The following ATRNL1 variants were observed in gnomAD, a reference collection of about 807,000 sequenced individuals.
ATRNL1 encodes attractin like 1.
In ATRNL1, 95 loss-of-function variants were observed where a neutral mutation model predicts 182.7. The observed-to-expected ratio is 0.52, with a 90% CI of 0.44 to 0.62. ATRNL1 has a LOEUF of 0.62. ATRNL1 is among the 20% of genes least tolerant of loss of function. ATRNL1 has a pLI of 0.00. For synonymous variants in ATRNL1, 576 were observed against 568.3 expected (o/e 1.01, Z -0.19); for missense variants, 1,471 against 1,679.5 (o/e 0.88, Z 2.17).
chr10:115,266,805 A>T lies in ATRNL1; in HGVS notation c.1781A>T (p.Tyr594Phe). Residue 594 changes from tyrosine to phenylalanine, a missense_variant, in exon 12 of 29, where the codon TAT becomes TTT. Coordinates refer to ENST00000355044, the MANE Select transcript of ATRNL1 (RefSeq NM_207303.4). ...HSAVVINGSMYIFGGFSSVLL... is the reference protein window; with the variant it reads ...HSAVVINGSMFIFGGFSSVLL... ...TGTTTTGTTTTTAATAGGTCCATGTATATATTTGGGGGATTTTCTAGTGTA... is the reference window on the plus strand; with the variant it reads ...TGTTTTGTTTTTAATAGGTCCATGTTTATATTTGGGGGATTTTCTAGTGTA... 6.2e-7 allele frequency: 1 copy of T among 1,600,470 alleles called. No individual in the cohort carries two copies. The highest frequency in any genetic ancestry group is 2.2e-5 in the East Asian group (1 of 44,658).
intron 28 of ATRNL1, among the ~76,000 whole-genome samples, chr10:115,939,009 AT>A (rs1213787471): frequency 6.6e-6 from 1 of 152,238 alleles, no homozygotes; most frequent in Non-Finnish European, 1.5e-5. Flanking sequence ...GATTTTTAAC[AT>A]TCTCACCACA....
chr10:115,734,436 G>A (rs1947890668), intron 27 of ATRNL1, among the ~76,000 whole-genome samples: 1 of 151,904 alleles, frequency 6.6e-6, no homozygotes, highest in Admixed American at 6.6e-5. Flanking sequence ...TGTATTGTCT[G>A]TAACCATTTG....
At chr10:115,291,981 T>C (rs1852937669) in intron 15 of ATRNL1, among the ~76,000 whole-genome samples, 1 of 96,526 alleles carries the variant, frequency 1.0e-5, no homozygotes, top group Non-Finnish European at 3.0e-5. Context: ...AGTGAAGCCA[T>C]CTGGTCCTGG....
At chr10:115,098,748 C>T (rs149702822) in intron 1 of ATRNL1, among the ~76,000 whole-genome samples, 1,789 of 152,078 alleles carry the variant, frequency 0.012, 33 homozygotes, top group African/African-American at 0.04. Context: ...TGAGCCACTG[C>T]GCCTGGCCAC....
At chr10:115,535,583 T>C (rs1431015362) in intron 25 of ATRNL1, among the ~76,000 whole-genome samples, 3 of 152,090 alleles carry the variant, frequency 2.0e-5, no homozygotes, top group Non-Finnish European at 4.4e-5. Context: ...GCAGTTTGAT[T>C]GTCTGAAGCC....
chr10:115,218,997 G>T (rs1372188637), intron 9 of ATRNL1, among the ~76,000 whole-genome samples: 1 of 152,148 alleles, frequency 6.6e-6, no homozygotes, highest in Non-Finnish European at 1.5e-5. Context: ...AACATTTTGG[G>T]AGGCCAAGGT....
rs889457703 is a variant in ATRNL1 at position 115,144,540 on chromosome 10, G to T, written c.829+15005G>T. ...AAACTCCTGACCTCGTGGTCTGCCC[G>T]CCTTAGCCGCCCAAAATGCTGGGAT... On this transcript the variant is annotated intron_variant, in intron 5 of 28. Transcript: ENST00000355044. 5.9e-5 allele frequency among the ~76,000 whole-genome samples: 9 copies of T among 151,944 alleles called. 1 individual carries two copies. Among genetic ancestry groups the T allele is most frequent in the African/African-American group, 2.2e-4 (9 of 41,426 alleles).
At chr10:115,833,267 A>G (rs1950598379) in intron 27 of ATRNL1, among the ~76,000 whole-genome samples, 1 of 152,188 alleles carries the variant, frequency 6.6e-6, no homozygotes, top group African/African-American at 2.4e-5. Flanking sequence ...ATTCTCTTTT[A>G]TAGGTGAAGA....
chr10:115,680,930 A>G (rs782512602), intron 26 of ATRNL1, among the ~76,000 whole-genome samples: 7 of 152,120 alleles, frequency 4.6e-5, no homozygotes, highest in Non-Finnish European at 1.0e-4. Context: ...TTGAGAGAAC[A>G]CTTGTCTGAC....
chr10:115,155,934 T>G (rs1284025308), intron 5 of ATRNL1, among the ~76,000 whole-genome samples: 1 of 152,044 alleles, frequency 6.6e-6, no homozygotes, highest in Non-Finnish European at 1.5e-5. Context: ...GGTTGGGGTA[T>G]CGTGGGGTGC....
At chr10:115,434,813 A>G (rs1846325086) in intron 21 of ATRNL1, among the ~76,000 whole-genome samples, 1 of 152,144 alleles carries the variant, frequency 6.6e-6, no homozygotes, top group Non-Finnish European at 1.5e-5. Flanking sequence ...AGAAATTCCT[A>G]CTTTAATAGA....
intron 10 of ATRNL1, among the ~76,000 whole-genome samples, chr10:115,246,195 A>T (rs2133830430): frequency 1.3e-5 from 2 of 152,270 alleles, no homozygotes; most frequent in East Asian, 3.9e-4. Context: ...TAATTTATAG[A>T]AGAAGACACT....
At chr10:115,608,753 G>C (rs1419634470) in intron 26 of ATRNL1, among the ~76,000 whole-genome samples, 1 of 151,916 alleles carries the variant, frequency 6.6e-6, no homozygotes, top group Non-Finnish European at 1.5e-5. Context: ...AAAAGGATTA[G>C]GTTCAGCAAG....
chr10:115,505,057 A>G (rs1024060618), intron 24 of ATRNL1, among the ~76,000 whole-genome samples: 2 of 152,170 alleles, frequency 1.3e-5, no homozygotes, highest in African/African-American at 4.8e-5. Flanking sequence ...CAAAATTTAC[A>G]TAATAAGGTA....
chr10:115,233,165 C>T (rs1287655734), intron 9 of ATRNL1, among the ~76,000 whole-genome samples: 1 of 152,042 alleles, frequency 6.6e-6, no homozygotes, highest in Non-Finnish European at 1.5e-5. Flanking sequence ...ACACCAGTCA[C>T]TGGATTTAGG....
At chr10:115,139,973 TA>T (rs1845691208) in intron 5 of ATRNL1, among the ~76,000 whole-genome samples, 1 of 152,170 alleles carries the variant, frequency 6.6e-6, no homozygotes, top group African/African-American at 2.4e-5. Flanking sequence ...AAATAAAGGC[TA>T]GCCTACAGCA....
At chr10:115,536,771 G>C (rs1554990553) in intron 25 of ATRNL1, among the ~76,000 whole-genome samples, 1 of 152,010 alleles carries the variant, frequency 6.6e-6, no homozygotes. Flanking sequence ...CCAAAAATAA[G>C]ACATTTAATC....
At chr10:115,537,368 G>C (rs12360040) in intron 25 of ATRNL1, among the ~76,000 whole-genome samples, 90,384 of 151,968 alleles carry the variant, frequency 0.59, 28,624 homozygotes, top group Non-Finnish European at 0.73. Flanking sequence ...ACTGTACTGG[G>C]AAACAGTCTC....
At chr10:115,718,316 AT>A (rs1947318247) in intron 26 of ATRNL1, among the ~76,000 whole-genome samples, 2 of 150,966 alleles carry the variant, frequency 1.3e-5, no homozygotes, top group African/African-American at 4.9e-5. Context: ...TCCCATAGCA[AT>A]TTTTTTCCAT....
Sources: allele counts gnomAD v4.1 joint callset (sites outside exome capture counted in the v4.1 genomes callset), GRCh38; gene constraint gnomAD v4.1.1; transcripts MANE v1.5; gene names NCBI Gene and HGNC (gene_info 2026-07-23, HGNC 2026-07-21).